PRELID2: variants seen among roughly 807,000 people sequenced by gnomAD.
PRELID2 encodes the protein PRELI domain containing 2.
A neutral mutation model predicts 28.4 loss-of-function variants in PRELID2; 25 were observed. The observed-to-expected ratio is 0.88, with a 90% CI of 0.64 to 1.23. The LOEUF (loss-of-function observed/expected upper bound fraction) is 1.23, where lower values mean the gene tolerates loss of function less well. PRELID2 is among the 50% of genes most tolerant of loss of function. The pLI is 0.00. For missense variants in PRELID2, 201 were observed against 214.4 expected (o/e 0.94, Z 0.39); for synonymous variants, 76 against 71.6 (o/e 1.06, Z -0.31).
intron 1 of PRELID2, among the ~76,000 whole-genome samples, chr5:145,632,571 T>G (rs1753947659): frequency 6.6e-6 from 1 of 152,156 alleles, no homozygotes; most frequent in Non-Finnish European, 1.5e-5. Flanking sequence ...GGACTGAGAA[T>G]GTACCCATTT....
chr5:145,543,895 T>C (rs1398061629), intron 1 of PRELID2, among the ~76,000 whole-genome samples: 1 of 152,106 alleles, frequency 6.6e-6, no homozygotes, highest in Non-Finnish European at 1.5e-5. Context: ...ATAAAGAATT[T>C]TCTTTCAGTC....
chr5:145,236,884 C>T, the PRELID2 span, among the ~76,000 whole-genome samples: 1 of 152,056 alleles, frequency 6.6e-6, no homozygotes, highest in Non-Finnish European at 1.5e-5. Context: ...ACTTATTTTC[C>T]TCAGATGCAT....
chr5:145,390,398 T>A, the PRELID2 span, among the ~76,000 whole-genome samples: 1 of 152,146 alleles, frequency 6.6e-6, no homozygotes, highest in Admixed American at 6.5e-5. Context: ...AAAATCATGG[T>A]GGACAAGGAA....
the PRELID2 span, among the ~76,000 whole-genome samples, chr5:145,407,331 T>A: frequency 6.6e-6 from 1 of 152,228 alleles, no homozygotes; most frequent in East Asian, 1.9e-4. Flanking sequence ...GGCCTGTCAC[T>A]TCTGGCTTAT....
At chr5:145,426,493 G>A in the PRELID2 span, among the ~76,000 whole-genome samples, 1 of 152,170 alleles carries the variant, frequency 6.6e-6, no homozygotes, top group African/African-American at 2.4e-5. Context: ...GTCCAACTAT[G>A]AGGAAGGATC....
intron 6 of PRELID2, among the ~76,000 whole-genome samples, chr5:145,764,269 T>C (rs896255503): frequency 6.6e-6 from 1 of 152,156 alleles, no homozygotes; most frequent in African/African-American, 2.4e-5. Flanking sequence ...GGTAGGGAGT[T>C]GAGTAGTTCT....
chr5:145,435,449 G>C, the PRELID2 span, among the ~76,000 whole-genome samples: 1 of 152,156 alleles, frequency 6.6e-6, no homozygotes, highest in Non-Finnish European at 1.5e-5. Context: ...GGGCCCAAGG[G>C]AGTGATGGGG....
intron 1 of PRELID2, among the ~76,000 whole-genome samples, chr5:145,475,447 G>A (rs953303473): frequency 6.6e-6 from 1 of 152,166 alleles, no homozygotes; most frequent in Non-Finnish European, 1.5e-5. Flanking sequence ...TTCTCTTTCA[G>A]TCCCCTTTCC....
chr5:145,523,612 G>T (rs1387887326), intron 1 of PRELID2, among the ~76,000 whole-genome samples: 2 of 152,116 alleles, frequency 1.3e-5, no homozygotes, highest in Non-Finnish European at 2.9e-5. Context: ...TTCTGTGCAG[G>T]GGTTGGGTTG....
chr5:145,414,421 A>G, the PRELID2 span, among the ~76,000 whole-genome samples: 1 of 152,204 alleles, frequency 6.6e-6, no homozygotes, highest in Non-Finnish European at 1.5e-5. Context: ...TGTCCAGCAT[A>G]TCTCTGTAAT....
the PRELID2 span, among the ~76,000 whole-genome samples, chr5:145,401,908 G>GTAACTA: frequency 6.6e-6 from 1 of 152,082 alleles, no homozygotes; most frequent in Non-Finnish European, 1.5e-5. Flanking sequence ...ATTTGCCTGG[G>GTAACTA]TAACTACTAT....
chr5:145,426,920 T>C, the PRELID2 span, among the ~76,000 whole-genome samples: 8 of 152,240 alleles, frequency 5.3e-5, no homozygotes. Context: ...ATCCCACGCA[T>C]GGAGGCTTCC....
intron 1 of PRELID2, among the ~76,000 whole-genome samples, chr5:145,620,138 T>C (rs1753754280): frequency 6.6e-6 from 1 of 152,214 alleles, no homozygotes; most frequent in African/African-American, 2.4e-5. Flanking sequence ...ATATTATCCA[T>C]AGCAGCATTA....
the PRELID2 span, among the ~76,000 whole-genome samples, chr5:145,303,863 A>G: frequency 1.3e-5 from 2 of 152,112 alleles, no homozygotes; most frequent in Non-Finnish European, 2.9e-5. Flanking sequence ...GGAAATGACC[A>G]TCTTTGTTGC....
chr5:145,692,017 C>T (rs148194731), intron 1 of PRELID2, among the ~76,000 whole-genome samples: 67 of 152,290 alleles, frequency 4.4e-4, no homozygotes, highest in Middle Eastern at 3.4e-3. Context: ...GCGAGTCCTC[C>T]TCTATGATGC....
intron 1 of PRELID2, among the ~76,000 whole-genome samples, chr5:145,543,798 A>T (rs747017670): frequency 6.6e-6 from 1 of 152,038 alleles, no homozygotes; most frequent in African/African-American, 2.4e-5. Flanking sequence ...TTTGGAGGCC[A>T]TCTAGAAAGA....
At chr5:145,400,339 TC>T in the PRELID2 span, among the ~76,000 whole-genome samples, 3 of 152,150 alleles carry the variant, frequency 2.0e-5, no homozygotes, top group Admixed American at 6.6e-5. Flanking sequence ...AAGTTCAGGA[TC>T]CCCAATCAAA....
intron 1 of PRELID2, among the ~76,000 whole-genome samples, chr5:145,541,822 AT>A: frequency 6.6e-6 from 1 of 151,962 alleles, no homozygotes; most frequent in Admixed American, 6.6e-5. Context: ...GGCCATTTCC[AT>A]TTTCCTGTTT....
At chr5:145,390,167 C>A in the PRELID2 span, among the ~76,000 whole-genome samples, 1 of 152,150 alleles carries the variant, frequency 6.6e-6, no homozygotes, top group East Asian at 1.9e-4. Flanking sequence ...TCAGAAAAGT[C>A]TCTTCAAGGA....
Sources: gnomAD v4.1 joint callset for allele counts (sites outside exome capture counted in the v4.1 genomes callset) on GRCh38, gnomAD v4.1.1 for gene constraint, MANE v1.5 for transcripts, NCBI Gene and HGNC (gene_info 2026-07-23, HGNC 2026-07-21) for gene names.